The following EXOSC10 variants were observed in gnomAD, a reference collection of about 807,000 sequenced individuals.
EXOSC10 encodes the protein exosome component 10.
Under a neutral mutation model 126.6 loss-of-function variants are expected in EXOSC10, and 94 were observed. The ratio of observed to expected loss-of-function variants is 0.74; its 90% CI spans 0.63 to 0.88. EXOSC10 has a LOEUF of 0.88. Ranked by LOEUF, EXOSC10 falls within the 40% of genes least tolerant of loss-of-function variation. EXOSC10 has a pLI of 0.00. For missense variants in EXOSC10, 1,041 were observed against 1,100.5 expected (o/e 0.95, Z 0.77); for synonymous variants, 395 against 400.8 (o/e 0.99, Z 0.17).
At position 11,088,201 on chromosome 1, in the gene EXOSC10, G is replaced by A. The variant is rs200064805; in HGVS notation, c.759-3C>T. Reference sequence around the variant, plus strand: ...CATATTGATAAGGATGTGCAAACCTGAGTAAATAAAACAAAAAGAGAAATC... The same window carrying A: ...CATATTGATAAGGATGTGCAAACCTAAGTAAATAAAACAAAAAGAGAAATC... On this transcript the variant is annotated splice_region_variant and splice_polypyrimidine_tract_variant and intron_variant, in intron 6 of 24. Transcript: ENST00000376936. 4 of 1,599,982 alleles carry A rather than the reference G, an allele frequency of 2.5e-6. No homozygotes were observed. Among genetic ancestry groups the A allele is most frequent in the South Asian group, 1.1e-5 (1 of 88,474 alleles).
chr1:11,069,068 T>C (rs1639286578), intron 22 of EXOSC10: 1 of 302,216 alleles, frequency 3.3e-6, no homozygotes. Context: ...TTGTGTGGAC[T>C]GGCCTCTGCT....
chr1:11,097,077 G>A (rs188262950), intron 2 of EXOSC10, among the ~76,000 whole-genome samples: 10 of 152,270 alleles, frequency 6.6e-5, no homozygotes, highest in Non-Finnish European at 1.5e-4. Flanking sequence ...GGGAATGGTC[G>A]TACATGCCTG....
chr1:11,090,970 A>T, intron 5 of EXOSC10, 44 bp downstream of exon 5: 1 of 1,590,274 alleles, frequency 6.3e-7, no homozygotes, highest in Non-Finnish European at 8.6e-7. Flanking sequence ...TTTTTGCATC[A>T]AATAAAGTGA....
At chr1:11,072,287 G>A in intron 19 of EXOSC10, 116 bp from the exon 20 acceptor site, 1 of 691,550 alleles carries the variant, frequency 1.4e-6, no homozygotes. Flanking sequence ...CACATTCTAA[G>A]TCATAAATTT....
At chr1:11,074,038 C>T (rs1639674552) in intron 18 of EXOSC10, 30 bp from the exon 19 acceptor site, 1 of 1,604,842 alleles carries the variant, frequency 6.2e-7, no homozygotes, top group South Asian at 1.1e-5. Context: ...GTGTGAAACG[C>T]TGCCGGGAAC....
At chr1:11,096,495 G>C (rs541740398) in intron 2 of EXOSC10, among the ~76,000 whole-genome samples, 22 of 120,022 alleles carry the variant, frequency 1.8e-4, no homozygotes, top group African/African-American at 6.4e-4. Flanking sequence ...TTTTTTTAAA[G>C]AGACAGGGTC....
Position 11,068,012 on chromosome 1 carries a change from C to CT in EXOSC10, c.2622dup (p.Asp875ArgfsTer40), listed in dbSNP as rs1557689102. 2 of 1,614,124 alleles carry CT rather than the reference C, an allele frequency of 1.2e-6. No homozygotes were observed. Among genetic ancestry groups the CT allele is most frequent in the Non-Finnish European group, 1.7e-6 (2 of 1,179,972 alleles). ...ACACCGCCGTCCACCACATACCTGT[C>CT]TGACTTTCCAGTTGGAAAGGACATG... On this transcript the variant is annotated frameshift_variant, in exon 24 of 25. Transcript: ENST00000376936. LOFTEE classifies it high-confidence loss of function.
intron 9 of EXOSC10, among the ~76,000 whole-genome samples, chr1:11,087,150 A>C (rs1640541301): frequency 6.6e-6 from 1 of 152,224 alleles, no homozygotes; most frequent in South Asian, 2.1e-4. Flanking sequence ...AATGAGACAC[A>C]TGAAAGCAGC....
rs200197280 is a variant in EXOSC10 at position 11,080,947 on chromosome 1, G to T, written c.1438-35C>A. The T allele has an allele frequency of 2.5e-4, 402 of 1,583,964 alleles. 3 individuals carry two copies. The highest frequency in any genetic ancestry group is 4.2e-5 in the Non-Finnish European group (49 of 1,164,700). On this transcript the variant is annotated intron_variant, in intron 11 of 24. Coordinates refer to ENST00000376936, the MANE Select transcript of EXOSC10 (RefSeq NM_001001998.3). ...ATTAGAGAACATTCAAAATCAACGG[G>T]AATCAAAATTGTGCCCTGGGCTCTG...
Position 11,098,101 on chromosome 1 carries a change from A to T in EXOSC10, c.167T>A (p.Phe56Tyr), listed in dbSNP as rs1233663994. ...VTKASGGLPQ[F>Y]GDEYDFYRSF... ...TCGGTAAAAATCATACTCATCGCCA[A>T]ACTGTGGTAGGCCCCCAGATGCCTT... Residue 56 changes from phenylalanine to tyrosine, a missense_variant, in exon 2 of 25, where the codon TTT (phenylalanine) becomes TAT (tyrosine). Physicochemically the swap from Phe to Tyr is conservative, Grantham distance 22. This residue lies in a region of EXOSC10 where 645 missense variants were observed against 656.3 expected (regional missense o/e 0.98). Coordinates refer to ENST00000376936, the MANE Select transcript of EXOSC10 (RefSeq NM_001001998.3). 1.2e-6 allele frequency: 2 copies of T among 1,613,460 alleles called. No individual in the cohort carries two copies. The highest frequency in any genetic ancestry group is 1.7e-6 in the Non-Finnish European group (2 of 1,179,802).
chr1:11,079,314 C>T (rs1373744827), intron 14 of EXOSC10, among the ~76,000 whole-genome samples: 8 of 147,350 alleles, frequency 5.4e-5, no homozygotes, highest in African/African-American at 1.3e-4. Context: ...GGAGACAGAG[C>T]GAGACTCCGT....
At chr1:11,093,731 T>C (rs1407704672) in intron 3 of EXOSC10, among the ~76,000 whole-genome samples, 6 of 152,124 alleles carry the variant, frequency 3.9e-5, no homozygotes, top group Non-Finnish European at 8.8e-5. Context: ...TAAATTTTGG[T>C]TGGGTGATAT....
chr1:11,072,057 C>T, intron 20 of EXOSC10, 30 bp downstream of exon 20: 2 of 1,572,994 alleles, frequency 1.3e-6, no homozygotes, highest in Non-Finnish European at 1.7e-6. Flanking sequence ...TCTTTAACAG[C>T]CGACTGAGTT....
chr1:11,081,235 A>G lies in EXOSC10; in HGVS notation c.1284T>C (p.Pro428=), dbSNP rs781579390. Residue 428 remains proline (P), a synonymous_variant, in exon 11 of 25, where the codon CCT becomes CCC. Coordinates refer to ENST00000376936, the MANE Select transcript of EXOSC10 (RefSeq NM_001001998.3). ...QYQLADWRIR[P]LPEEMLSYAR... ...CGTAGCTGAGCATCTCCTCGGGCAG[A>G]GGGCTGGAATTGCAGAGGACAATGT... The G allele has an allele frequency of 1.1e-5, 17 of 1,614,134 alleles. No individual in the cohort carries two copies. In the South Asian group the frequency reaches 1.8e-4, roughly 17 times the overall value.
chr1:11,090,369 GA>G (rs1246446895), intron 6 of EXOSC10, among the ~76,000 whole-genome samples, 184 bp downstream of exon 6: 2 of 152,218 alleles, frequency 1.3e-5, no homozygotes, highest in African/African-American at 4.8e-5. Context: ...AGGTTTACAT[GA>G]GGCAATGCTG....
chr1:11,086,682 A>G (rs1640512939), intron 9 of EXOSC10, among the ~76,000 whole-genome samples: 1 of 152,190 alleles, frequency 6.6e-6, no homozygotes, highest in Non-Finnish European at 1.5e-5. Context: ...AAACCGCTCA[A>G]CTACATGGAA....
chr1:11,095,988 C>CTTTTT, intron 2 of EXOSC10, 107 bp from the exon 3 acceptor site: 2 of 894,374 alleles, frequency 2.2e-6, no homozygotes, highest in Non-Finnish European at 3.2e-6. Context: ...CCCAACACAT[C>CTTTTT]TTTTTTTTTT....
At chr1:11,099,631 C>A in intron 1 of EXOSC10, 90 bp downstream of exon 1, 2 of 1,384,464 alleles carry the variant, frequency 1.4e-6, no homozygotes, top group Non-Finnish European at 1.9e-6. Context: ...GGCTCCACTA[C>A]GGCGGGCGGG....
chr1:11,088,068 T>C (rs1406137412), intron 7 of EXOSC10, 55 bp downstream of exon 7: 2 of 1,426,494 alleles, frequency 1.4e-6, no homozygotes, highest in Non-Finnish European at 9.8e-7. Flanking sequence ...AATCTACTTA[T>C]TTGATTCCTC....
Sources: gnomAD v4.1 joint callset for allele counts (sites outside exome capture counted in the v4.1 genomes callset) on GRCh38, gnomAD v4.1.1 for gene constraint, gnomAD v4.1.1 regional missense constraint, MANE v1.5 for transcripts, NCBI Gene and HGNC (gene_info 2026-07-23, HGNC 2026-07-21) for gene names.